Variants in CRIPTO3 observed in about 807,000 individuals in gnomAD.
CRIPTO3 encodes the protein cripto, EGF-CFC family member 3, also known as protein CRIPTO3.
chrX:110,522,668 G>A, the CRIPTO3 span: 1 of 110,772 alleles, frequency 9.0e-6, no homozygotes, highest in African/African-American at 3.3e-5. Context: ...TTTCCCAAAG[G>A]CATTGTAAAA....
At chrX:110,521,737 A>T in the CRIPTO3 span, 2 of 1,087,130 alleles carry the variant, frequency 1.8e-6, no homozygotes, top group African/African-American at 3.6e-5. Flanking sequence ...TTTAGATATT[A>T]TGCAAATTTC....
At chrX:110,521,251 G>A in the CRIPTO3 span, 1 of 1,172,131 alleles carries the variant, frequency 8.5e-7, no homozygotes, top group Admixed American at 2.2e-5. Context: ...CGTCCATCTC[G>A]GGGAGACCTG....
chrX:110,521,835 C>T, the CRIPTO3 span: 27 of 549,637 alleles, frequency 4.9e-5, no homozygotes, highest in South Asian at 1.3e-4. Context: ...ATTTCCAAAA[C>T]GGTCTCTAAC....
At chrX:110,521,644 C>T in the CRIPTO3 span, 1 of 1,211,755 alleles carries the variant, frequency 8.3e-7, no homozygotes, top group Non-Finnish European at 1.1e-6. Flanking sequence ...TCTGCACGTA[C>T]TACCACTTTT....
the CRIPTO3 span, chrX:110,521,451 C>T: frequency 8.3e-7 from 1 of 1,211,530 alleles, no homozygotes; most frequent in East Asian, 3.0e-5. Context: ...GAACTGTGAG[C>T]ACGATGTGCG....
At chrX:110,521,450 G>A in the CRIPTO3 span, 1 of 1,210,237 alleles carries the variant, frequency 8.3e-7, no homozygotes, top group Non-Finnish European at 1.1e-6. Flanking sequence ...GGAACTGTGA[G>A]CACGATGTGC....
At chrX:110,521,241 C>G in the CRIPTO3 span, 100 of 1,166,378 alleles carry the variant, frequency 8.6e-5, 1 homozygote, top group Non-Finnish European at 1.8e-5. Flanking sequence ...GGAATTTGCT[C>G]GTCCATCTCG....
At chrX:110,521,496 T>C in the CRIPTO3 span, 4 of 1,211,211 alleles carry the variant, frequency 3.3e-6, no homozygotes, top group Admixed American at 2.2e-5. Flanking sequence ...CCATGACACC[T>C]GGCTGCCCAA....
chrX:110,522,717 G>A, the CRIPTO3 span: 1 of 110,852 alleles, frequency 9.0e-6, no homozygotes, highest in Non-Finnish European at 1.9e-5. Context: ...ATACCTCAAT[G>A]TCCCCAACAA....
At chrX:110,521,225 C>A in the CRIPTO3 span, 6 of 1,154,972 alleles carry the variant, frequency 5.2e-6, no homozygotes, top group Middle Eastern at 1.1e-3. Flanking sequence ...CCGGGCTGGG[C>A]CATCAGGAAT....
the CRIPTO3 span, chrX:110,521,326 G>T: frequency 5.8e-6 from 7 of 1,206,478 alleles, no homozygotes; most frequent in African/African-American, 1.1e-4. Context: ...TCTTCCCAGC[G>T]TGTGCTGCCC....
the CRIPTO3 span, chrX:110,522,079 C>T: frequency 2.8e-6 from 1 of 356,765 alleles, no homozygotes; most frequent in East Asian, 4.4e-5. Context: ...CCTCAGCCTC[C>T]CAAGTAGCTG....
At chrX:110,521,448 G>C in the CRIPTO3 span, 1 of 1,210,181 alleles carries the variant, frequency 8.3e-7, no homozygotes, top group Middle Eastern at 2.5e-4. Flanking sequence ...ACGGAACTGT[G>C]AGCACGATGT....
the CRIPTO3 span, chrX:110,521,856 A>G: frequency 2.0e-6 from 1 of 502,477 alleles, no homozygotes; most frequent in Admixed American, 2.9e-5. Flanking sequence ...ATTTCCTTAC[A>G]GAACTAACTA....
chrX:110,522,624 A>G, the CRIPTO3 span: 1 of 111,342 alleles, frequency 9.0e-6, no homozygotes, highest in African/African-American at 3.3e-5. Context: ...TCCATCATCT[A>G]TAGAAAGCTA....
At chrX:110,521,148 G>A in the CRIPTO3 span, 2 of 1,139,240 alleles carry the variant, frequency 1.8e-6, no homozygotes, top group Non-Finnish European at 2.4e-6. Flanking sequence ...CAGGAAGATG[G>A]TCCGCTTCTC....
the CRIPTO3 span, chrX:110,521,435 C>T: frequency 1.7e-6 from 2 of 1,210,162 alleles, no homozygotes; most frequent in Non-Finnish European, 2.2e-6. Context: ...CCTCCTTCTA[C>T]GGACGGAACT....
the CRIPTO3 span, chrX:110,521,961 CT>C: frequency 0.076 from 20,751 of 271,589 alleles, 1 homozygote; most frequent in East Asian, 0.092. Context: ...TCCAGTGTTT[CT>C]TTTTTTTTTT....
chrX:110,520,983 C>T, the CRIPTO3 span: 1 of 575,776 alleles, frequency 1.7e-6, no homozygotes, highest in Non-Finnish European at 3.0e-6. Context: ...GCTTCTGCTA[C>T]GACCTTCTGG....
Sources: gnomAD v4.1 joint callset for allele counts on GRCh38, gnomAD v4.1.1 for gene constraint, MANE v1.5 for transcripts, NCBI Gene and HGNC (gene_info 2026-07-23, HGNC 2026-07-21) for gene names.